Variants in NKD1 observed in about 807,000 individuals in gnomAD.
NKD1 encodes the protein NKD inhibitor of Wnt signaling pathway 1.
In NKD1, 21 loss-of-function variants were observed where a neutral mutation model predicts 56.0. The ratio of observed to expected loss-of-function variants is 0.38; its 90% CI spans 0.27 to 0.54. The LOEUF (loss-of-function observed/expected upper bound fraction) is 0.54. Among genes scored for constraint, NKD1 ranks in the 20% least tolerant of loss-of-function variants. The pLI, the probability that NKD1 is intolerant of heterozygous loss-of-function variation, is 0.82. For synonymous variants in NKD1, 263 were observed against 265.7 expected, an observed-to-expected ratio of 0.99 and a Z score of 0.10; for missense variants, 578 against 642.7, an observed-to-expected ratio of 0.90 and a Z score of 1.09.
At chr16:50,605,500 T>G (rs999973860) in intron 3 of NKD1, among the ~76,000 whole-genome samples, 1 of 152,212 alleles carries the variant, frequency 6.6e-6, no homozygotes, top group Non-Finnish European at 1.5e-5. Context: ...ATGTATTTGT[T>G]GATTCAGCCA....
At chr16:50,613,415 G>A (rs541994849) in intron 4 of NKD1, among the ~76,000 whole-genome samples, 1 of 152,200 alleles carries the variant, frequency 6.6e-6, no homozygotes, top group Non-Finnish European at 1.5e-5. Context: ...GGAGTTCATG[G>A]GAAGGCAGCA....
chr16:50,644,022 T>C lies in NKD1; in HGVS notation c.*10241T>C, dbSNP rs920039060. 2 of 152,242 alleles carry C rather than the reference T, an allele frequency of 1.3e-5. No homozygotes were observed. Among genetic ancestry groups the C allele is most frequent in the South Asian group, 2.1e-4 (1 of 4,834 alleles). The allele number at this position is 152,242 out of a possible 1,614,324, so 9.4% of individuals were successfully genotyped here. ...AGACTGTGAGAAGGATGTTTGTGTATAGGATGAGAACTGAACCACGAAAGC... is the reference window on the plus strand; with the variant it reads ...AGACTGTGAGAAGGATGTTTGTGTACAGGATGAGAACTGAACCACGAAAGC... On this transcript the variant is annotated 3_prime_UTR_variant, in exon 10 of 10. Coordinates refer to ENST00000268459, the MANE Select transcript of NKD1 (RefSeq NM_033119.5).
intron 4 of NKD1, 94 bp downstream of exon 4, chr16:50,608,454 C>G (rs549672614): frequency 2.6e-5 from 22 of 861,288 alleles, no homozygotes; most frequent in African/African-American, 1.7e-4. Context: ...AGAAAATCTG[C>G]AGATGGAGGG....
At chr16:50,582,233 G>A (rs1961132717) in intron 3 of NKD1, among the ~76,000 whole-genome samples, 1 of 152,158 alleles carries the variant, frequency 6.6e-6, no homozygotes, top group Admixed American at 6.5e-5. Context: ...TGCCTTGAAC[G>A]TGGTTTTAGT....
rs59860091 is a variant in NKD1, at chr16:50,620,737, C to T, written c.260-865C>T. ...CCAAGAATTGATGGCACTTTGTAGT[C>T]GGGATCCTAGGTCAAGGACAATGAT... On this transcript the variant is annotated intron_variant, in intron 4 of 9. Coordinates refer to ENST00000268459, the MANE Select transcript of NKD1 (RefSeq NM_033119.5). Among the ~76,000 whole-genome samples, 929 of 152,234 alleles carry T rather than the reference C, an allele frequency of 6.1e-3. 11 individuals carry two copies. Among genetic ancestry groups the T allele is most frequent in the African/African-American group, 0.021 (892 of 41,526 alleles).
At chr16:50,628,129 A>G (rs770153533) in intron 6 of NKD1, among the ~76,000 whole-genome samples, 1 of 152,138 alleles carries the variant, frequency 6.6e-6, no homozygotes, top group African/African-American at 2.4e-5. Context: ...CACAATTTCA[A>G]TCTGGCCCCC....
At chr16:50,630,527 G>A (rs1455614482) in intron 7 of NKD1, among the ~76,000 whole-genome samples, 194 bp downstream of exon 7, 1 of 152,150 alleles carries the variant, frequency 6.6e-6, no homozygotes, top group Non-Finnish European at 1.5e-5. Flanking sequence ...CTGGGTGAGA[G>A]GCCTCATATA....
Position 50,598,786 on chromosome 16 carries a change from G to T in NKD1, c.193-9508G>T, listed in dbSNP as rs569291942. On this transcript the variant is annotated intron_variant, in intron 3 of 9. Coordinates refer to ENST00000268459, the MANE Select transcript of NKD1 (RefSeq NM_033119.5). The surrounding 1 kb of genome is among the most constrained non-coding windows in gnomAD (Gnocchi z 4.2). ...GGCATGGTGGGGCCAGTGGTGTGGTGGGCAGTGGTGTGGCAGGATCAGTGG... is the reference window on the plus strand; with the variant it reads ...GGCATGGTGGGGCCAGTGGTGTGGTTGGCAGTGGTGTGGCAGGATCAGTGG... Among the ~76,000 whole-genome samples, 1 of 152,244 alleles carries T rather than the reference G, an allele frequency of 6.6e-6. No homozygotes were observed. Among genetic ancestry groups the T allele is most frequent in the African/African-American group, 2.4e-5 (1 of 41,528 alleles).
Position 50,630,237 on chromosome 16 carries a change from A to G in NKD1, c.514A>G (p.Asn172Asp), listed in dbSNP as rs757253472. The G allele has an allele frequency of 1.9e-6, 3 of 1,613,956 alleles. No individual in the cohort carries two copies. The highest frequency in any genetic ancestry group is 1.7e-5 in the Admixed American group (1 of 60,032). ...TIYEVVDSSV[N>D]HSPTSSKMLR... is the part of the protein sequence containing the mutation. ...CTATGAGGTGGTGGACTCCTCTGTCAACCACTCCCCAACATCCAGCAAGAT... is the reference window on the plus strand; with the variant it reads ...CTATGAGGTGGTGGACTCCTCTGTCGACCACTCCCCAACATCCAGCAAGAT... Residue 172 changes from asparagine (N) to aspartate (D), a missense_variant, in exon 7 of 10, where the codon AAC becomes GAC. Asn to Asp is a conservative substitution (Grantham distance 23, BLOSUM62 1). Transcript: ENST00000268459.
At chr16:50,606,800 C>T (rs997232089) in intron 3 of NKD1, 1 of 456,554 alleles carries the variant, frequency 2.2e-6, no homozygotes, top group African/African-American at 2.0e-5. Context: ...GTTGCCTGTT[C>T]CCTCGGGGAA....
At chr16:50,581,957 A>T (rs1596719159) in intron 3 of NKD1, among the ~76,000 whole-genome samples, 1 of 152,070 alleles carries the variant, frequency 6.6e-6, no homozygotes, top group East Asian at 1.9e-4. Context: ...TGTTGCAAGG[A>T]TTGGTTGTTT....
intron 4 of NKD1, among the ~76,000 whole-genome samples, chr16:50,610,720 G>A (rs753858475): frequency 1.3e-4 from 20 of 152,236 alleles, no homozygotes; most frequent in Admixed American, 4.6e-4. Context: ...AGGAGAGGAT[G>A]GCTTTAGCTC....
intron 3 of NKD1, among the ~76,000 whole-genome samples, chr16:50,596,149 T>C (rs1430775653): frequency 6.6e-6 from 1 of 152,152 alleles, no homozygotes; most frequent in Non-Finnish European, 1.5e-5. Context: ...GGCTGTGGCC[T>C]CTTTGTGGCC....
intron 6 of NKD1, among the ~76,000 whole-genome samples, chr16:50,627,707 G>A (rs1057242258): frequency 2.4e-4 from 36 of 152,202 alleles, no homozygotes; most frequent in African/African-American, 7.2e-4. Flanking sequence ...TCAGGCGTTC[G>A]TTCATGCAGG....
intron 8 of NKD1, among the ~76,000 whole-genome samples, chr16:50,631,133 A>G (rs1962335547): frequency 6.6e-6 from 1 of 152,166 alleles, no homozygotes; most frequent in Non-Finnish European, 1.5e-5. Context: ...GGAGGTCAGC[A>G]TTTTTTGGGC....
Position 50,633,856 on chromosome 16 carries a change from AATT to A in NKD1, c.*79_*81del. On this transcript the variant is annotated 3_prime_UTR_variant, in exon 10 of 10. Coordinates refer to ENST00000268459, the MANE Select transcript of NKD1 (RefSeq NM_033119.5). This position sits in a 1 kb window ranked among gnomAD's most constrained non-coding sequence, Gnocchi z 4.9. ...CACCACAAGGCATTATTATTCTATTAATTATTGTTATTATGATGATTATTGTTA... is the reference window on the plus strand; with the variant it reads ...CACCACAAGGCATTATTATTCTATTAATTGTTATTATGATGATTATTGTTA... The A allele has an allele frequency of 7.5e-6, 5 of 663,342 alleles. No individual in the cohort carries two copies. Among genetic ancestry groups the A allele is most frequent in the Non-Finnish European group, 9.9e-6 (4 of 404,424 alleles). The allele number at this position is 663,342 out of a possible 1,614,324, so 41.1% of individuals were successfully genotyped here. A position where few individuals can be genotyped will look rare whatever the true frequency, so the allele number is the denominator to read the frequency against.
chr16:50,612,628 G>A (rs1351431981), intron 4 of NKD1, among the ~76,000 whole-genome samples: 1 of 152,232 alleles, frequency 6.6e-6, no homozygotes, highest in Non-Finnish European at 1.5e-5. Flanking sequence ...TTCTGAGAAG[G>A]TGATGTTTCA....
intron 3 of NKD1, among the ~76,000 whole-genome samples, chr16:50,587,380 A>T (rs1468021360): frequency 2.0e-5 from 3 of 152,202 alleles, no homozygotes; most frequent in African/African-American, 7.2e-5. Context: ...TGCAGGTGGC[A>T]CCTAACCTAG....
chr16:50,571,723 A>T (rs1596712856), intron 3 of NKD1, among the ~76,000 whole-genome samples: 1 of 152,064 alleles, frequency 6.6e-6, no homozygotes, highest in African/African-American at 2.4e-5. Flanking sequence ...CTTCTAAGCC[A>T]TCATCCTGTT....
Sources: allele counts gnomAD v4.1 joint callset (sites outside exome capture counted in the v4.1 genomes callset), GRCh38; gene constraint gnomAD v4.1.1; non-coding constraint Gnocchi (gnomAD v3.1); transcripts MANE v1.5; gene names NCBI Gene and HGNC (gene_info 2026-07-23, HGNC 2026-07-21).